WDFY3: variants seen among roughly 807,000 people sequenced by gnomAD.
WDFY3 encodes the protein WD repeat and FYVE domain-containing protein 3.
In WDFY3, 66 loss-of-function variants were observed where a neutral mutation model predicts 409.6. The observed-to-expected ratio is 0.16, with a 90% CI of 0.13 to 0.20. The LOEUF (loss-of-function observed/expected upper bound fraction) is 0.20, where lower values mean the gene tolerates loss of function less well. Ranked by LOEUF, WDFY3 falls within the 10% of genes least tolerant of loss-of-function variation. The pLI is 1.00. For synonymous variants in WDFY3, 1,521 were observed against 1,537.1 expected (o/e 0.99, Z 0.25); for missense variants, 3,031 against 4,298.1 (o/e 0.71, Z 8.24).
intron 1 of WDFY3, among the ~76,000 whole-genome samples, chr4:84,950,768 C>A (rs987211728): frequency 1.3e-5 from 2 of 152,126 alleles, no homozygotes; most frequent in African/African-American, 4.8e-5. Context: ...CCAGCCTGGG[C>A]AACAGAGGGA....
At chr4:84,766,395 A>T in intron 30 of WDFY3, 23 bp from the exon 31 acceptor site, 2 of 1,571,540 alleles carry the variant, frequency 1.3e-6, no homozygotes, top group Non-Finnish European at 8.6e-7. Flanking sequence ...TAAATACATT[A>T]AATCTCCCTA....
rs766982077 is a variant in WDFY3, at chr4:84,826,904, T to C, written c.1034A>G (p.Tyr345Cys). ...LVNLITSLTT[Y>C]GVSELKPAGI... is the part of the protein sequence containing the mutation. ...AGCTGGTTTTAGTTCACTGACACCATATGTTGTTAGGGAAGTTATCAGATT... is the reference window on the plus strand; with the variant it reads ...AGCTGGTTTTAGTTCACTGACACCACATGTTGTTAGGGAAGTTATCAGATT... Residue 345 changes from tyrosine to cysteine, a missense_variant, in exon 10 of 68, where the codon TAT (tyrosine) becomes TGT (cysteine). This residue lies in a region of WDFY3 where 1,322 missense variants were observed against 1,697.9 expected (regional missense o/e 0.78). Transcript: ENST00000295888. 2 of 1,610,900 alleles carry C rather than the reference T, an allele frequency of 1.2e-6. No individual in the cohort carries two copies. The highest frequency in any genetic ancestry group is 1.3e-5 in the African/African-American group (1 of 74,702).
chr4:84,794,561 A>C lies in WDFY3; in HGVS notation c.3445T>G (p.Ser1149Ala). The change falls in exon 21 of 68, where the codon TCT (serine) becomes GCT (alanine). Residue 1149 changes from serine (S) to alanine (A), a missense_variant. By Grantham distance (99) the Ser-to-Ala change is moderately conservative. Coordinates refer to ENST00000295888, the MANE Select transcript of WDFY3 (RefSeq NM_014991.6). ...TCCTCTTTGGTGGAAACAATCAGAG[A>C]TCGGTCTTTTGCTGATAGAACTATT... ...LAIVLSAKDR[S>A]LIVSTKEELL... 6.2e-7 allele frequency: 1 copy of C among 1,614,134 alleles called. No individual in the cohort carries two copies. Among genetic ancestry groups the C allele is most frequent in the Non-Finnish European group, 8.5e-7 (1 of 1,180,002 alleles).
At chr4:84,717,636 A>G (rs1214641149) in intron 48 of WDFY3, among the ~76,000 whole-genome samples, 8 of 152,114 alleles carry the variant, frequency 5.3e-5, no homozygotes, top group Non-Finnish European at 8.8e-5. Flanking sequence ...GTTTTCCACT[A>G]CTCACTACCA....
At chr4:84,931,547 C>T (rs1235007566) in intron 2 of WDFY3, among the ~76,000 whole-genome samples, 2 of 152,128 alleles carry the variant, frequency 1.3e-5, no homozygotes, top group African/African-American at 2.4e-5. Context: ...CTGCTGAGAG[C>T]CTGCGGGAAA....
chr4:84,929,897 G>C (rs1458743962), intron 2 of WDFY3, among the ~76,000 whole-genome samples: 1 of 150,976 alleles, frequency 6.6e-6, no homozygotes, highest in Non-Finnish European at 1.5e-5. Context: ...GGCAACAAGA[G>C]AGAAACTTCG....
chr4:84,897,732 A>G (rs796734466), intron 2 of WDFY3, among the ~76,000 whole-genome samples: 34 of 152,316 alleles, frequency 2.2e-4, no homozygotes, highest in African/African-American at 6.3e-4. Context: ...GACGCTGGAG[A>G]GCCCACAACA....
chr4:84,959,985 GA>G (rs1308617364), intron 1 of WDFY3, among the ~76,000 whole-genome samples: 3 of 152,082 alleles, frequency 2.0e-5, no homozygotes, highest in Admixed American at 2.0e-4. Context: ...TAATATGATC[GA>G]ATTATGTCAG....
rs115559529 is a variant in WDFY3, at chr4:84,877,480, A to G, written c.-31-16858T>C. On this transcript the variant is annotated intron_variant, in intron 3 of 67. Coordinates refer to ENST00000295888, the MANE Select transcript of WDFY3 (RefSeq NM_014991.6). Reference sequence around the variant, plus strand: ...TCCCAGCTAATTGTTTTATTTTTTTATAGAGATGGGGTCTCACTATGTTGC... The same window carrying G: ...TCCCAGCTAATTGTTTTATTTTTTTGTAGAGATGGGGTCTCACTATGTTGC... Among the ~76,000 whole-genome samples the G allele has an allele frequency of 5.9e-3, 892 of 151,914 alleles. 10 individuals carry two copies. The highest frequency in any genetic ancestry group is 0.021 in the African/African-American group (856 of 41,430).
At chr4:84,878,069 A>ACCCCATAATGT (rs2150369987) in intron 3 of WDFY3, among the ~76,000 whole-genome samples, 1 of 152,326 alleles carries the variant, frequency 6.6e-6, no homozygotes, top group East Asian at 1.9e-4. Context: ...ATTGTTGGGT[A>ACCCCATAATGT]CCCCATAATG....
chr4:84,931,764 G>T (rs1770793825), intron 2 of WDFY3, among the ~76,000 whole-genome samples: 1 of 152,014 alleles, frequency 6.6e-6, no homozygotes, highest in Non-Finnish European at 1.5e-5. Context: ...ATAACCTCAT[G>T]TAAAAAATAA....
chr4:84,769,594 G>C (rs1744280732), intron 30 of WDFY3, among the ~76,000 whole-genome samples: 1 of 151,736 alleles, frequency 6.6e-6, no homozygotes, highest in Non-Finnish European at 1.5e-5. Context: ...TTTTTTGTGT[G>C]TATTTTTTTA....
intron 3 of WDFY3, among the ~76,000 whole-genome samples, chr4:84,894,479 T>C (rs1266700120): frequency 2.0e-5 from 3 of 151,888 alleles, no homozygotes; most frequent in Non-Finnish European, 2.9e-5. Context: ...GCCAACACGG[T>C]GAAACCCCAT....
At chr4:84,751,289 G>A in intron 36 of WDFY3, 194 bp downstream of exon 36, 1 of 620,100 alleles carries the variant, frequency 1.6e-6, no homozygotes, top group Admixed American at 2.9e-5. Flanking sequence ...AGACATCCTT[G>A]AGGGAAGGAA....
chr4:84,718,271 T>C (rs545508111), intron 48 of WDFY3, 151 bp downstream of exon 48: 11 of 683,722 alleles, frequency 1.6e-5, no homozygotes, highest in African/African-American at 3.6e-5. Flanking sequence ...TAACTGAATA[T>C]CATCTTTGTG....
chr4:84,945,099 T>C (rs890585423), intron 1 of WDFY3, among the ~76,000 whole-genome samples: 49 of 152,094 alleles, frequency 3.2e-4, no homozygotes, highest in African/African-American at 1.2e-3. Flanking sequence ...CAAATCAAAA[T>C]ACAAAGCCTC....
chr4:84,765,009 G>C (rs967249280), intron 32 of WDFY3, among the ~76,000 whole-genome samples: 1 of 151,738 alleles, frequency 6.6e-6, no homozygotes, highest in Admixed American at 6.6e-5. Flanking sequence ...TTTTCCCATC[G>C]GACCAAGGTA....
intron 24 of WDFY3, 65 bp from the exon 25 acceptor site, chr4:84,783,139 A>C: frequency 7.0e-7 from 1 of 1,425,614 alleles, no homozygotes; most frequent in East Asian, 2.3e-5. Flanking sequence ...TGATTGGAAA[A>C]GAAACCAAAC....
chr4:84,831,312 A>G (rs1429342815), intron 8 of WDFY3, 101 bp downstream of exon 8: 2 of 945,138 alleles, frequency 2.1e-6, no homozygotes, highest in African/African-American at 3.4e-5. Context: ...TTTATTTTAA[A>G]GAACAAGCTT....
Sources: gnomAD v4.1 joint callset for allele counts (sites outside exome capture counted in the v4.1 genomes callset) on GRCh38, gnomAD v4.1.1 for gene constraint, gnomAD v4.1.1 regional missense constraint, MANE v1.5 for transcripts, NCBI Gene and HGNC (gene_info 2026-07-23, HGNC 2026-07-21) for gene names.